Variants in GMDS observed in about 807,000 individuals in gnomAD.
GMDS encodes the protein GDP-mannose 4,6 dehydratase.
Under a neutral mutation model 49.9 loss-of-function variants are expected in GMDS, and 20 were observed. That is an observed-to-expected ratio of 0.40 (90% CI 0.28 to 0.58). The LOEUF is 0.58. Ranked by LOEUF, GMDS falls within the 20% of genes least tolerant of loss-of-function variation. The pLI is 0.42. For missense variants in GMDS, 362 were observed against 481.4 expected (o/e 0.75, Z 2.32); for synonymous variants, 177 against 178.6 (o/e 0.99, Z 0.07).
In GMDS at chr6:2,203,013, T is replaced by G. The variant is rs919347577; in HGVS notation, c.102+42308A>C. Among the ~76,000 whole-genome samples the G allele has an allele frequency of 3.3e-5, 5 of 152,320 alleles. No individual in the cohort carries two copies. In the South Asian group the frequency reaches 1.0e-3, roughly 32 times the overall value. ...CCTGCCACATTTTCATTTGCAAGGT[T>G]TCTAAGAACCGTTCTTGGTGTGTCT... On this transcript the variant is annotated intron_variant, in intron 1 of 10. Coordinates refer to ENST00000380815, the MANE Select transcript of GMDS (RefSeq NM_001500.4).
chr6:1,913,388 C>CAAAAAAAAAAAA (rs56262461), intron 7 of GMDS, among the ~76,000 whole-genome samples: 9 of 103,974 alleles, frequency 8.7e-5, no homozygotes, highest in Non-Finnish European at 1.1e-4. Context: ...CTCAAACAAA[C>CAAAAAAAAAAAA]AAAAAAAAAA....
chr6:1,911,553 TAA>T (rs34335896), intron 7 of GMDS, among the ~76,000 whole-genome samples: 15 of 139,246 alleles, frequency 1.1e-4, no homozygotes, highest in South Asian at 6.7e-4. Context: ...TTTCCCCTAT[TAA>T]AAAAAAAAAA....
intron 4 of GMDS, among the ~76,000 whole-genome samples, chr6:2,025,133 A>T (rs1030288665): frequency 1.3e-5 from 2 of 152,144 alleles, no homozygotes; most frequent in Non-Finnish European, 2.9e-5. Flanking sequence ...TTAGGAAAAG[A>T]TACTAAAATA....
At chr6:2,033,806 C>T (rs1245078382) in intron 4 of GMDS, among the ~76,000 whole-genome samples, 2 of 152,126 alleles carry the variant, frequency 1.3e-5, no homozygotes, top group Non-Finnish European at 2.9e-5. Flanking sequence ...CTCCAGAGAA[C>T]ATGTTTCAGT....
chr6:1,706,658 C>G (rs887874035), intron 9 of GMDS, among the ~76,000 whole-genome samples: 17 of 152,214 alleles, frequency 1.1e-4, no homozygotes, highest in African/African-American at 3.6e-4. Context: ...GCTGGGAGCA[C>G]GAGGCGTCCG....
intron 7 of GMDS, among the ~76,000 whole-genome samples, chr6:1,903,454 C>T (rs1760602876): frequency 6.6e-6 from 1 of 152,228 alleles, no homozygotes; most frequent in South Asian, 2.1e-4. Context: ...AATCCAAAAG[C>T]TATTCTCGTC....
intron 6 of GMDS, among the ~76,000 whole-genome samples, chr6:1,959,238 A>G (rs1374658028): frequency 6.6e-6 from 1 of 152,174 alleles, no homozygotes; most frequent in East Asian, 1.9e-4. Context: ...AATGTTCCTA[A>G]CACAAACATA....
chr6:1,753,627 C>T (rs554733842), intron 7 of GMDS, among the ~76,000 whole-genome samples: 1 of 152,298 alleles, frequency 6.6e-6, no homozygotes, highest in South Asian at 2.1e-4. Flanking sequence ...AAACTGACCA[C>T]ATAATTGGAA....
chr6:1,720,183 C>T (rs1047186355), intron 9 of GMDS, among the ~76,000 whole-genome samples: 2 of 152,108 alleles, frequency 1.3e-5, no homozygotes, highest in African/African-American at 2.4e-5. Flanking sequence ...GGGGTTATTA[C>T]AATCAGTACA....
At chr6:1,853,567 AGTGTGT>A (rs70992106) in intron 7 of GMDS, among the ~76,000 whole-genome samples, 1 of 146,650 alleles carries the variant, frequency 6.8e-6, no homozygotes, top group Non-Finnish European at 1.5e-5. Flanking sequence ...AACTCATATG[AGTGTGT>A]GTGTGTGTGT....
intron 7 of GMDS, among the ~76,000 whole-genome samples, chr6:1,906,400 A>T (rs1192197809): frequency 5.3e-5 from 8 of 152,218 alleles, no homozygotes; most frequent in Admixed American, 5.2e-4. Context: ...TTTAGCCCAC[A>T]CCAAAACACT....
chr6:1,739,540 C>T (rs1487847849), intron 8 of GMDS, among the ~76,000 whole-genome samples: 2 of 152,252 alleles, frequency 1.3e-5, no homozygotes, highest in Admixed American at 6.5e-5. Context: ...AATCCTCACA[C>T]CCTGAAAACA....
chr6:1,782,758 A>G (rs1000619318), intron 7 of GMDS, among the ~76,000 whole-genome samples: 3 of 152,248 alleles, frequency 2.0e-5, no homozygotes, highest in Non-Finnish European at 2.9e-5. Flanking sequence ...TAATTTGACT[A>G]AATGTCCACT....
chr6:1,781,478 C>T (rs1769082475), intron 7 of GMDS, among the ~76,000 whole-genome samples: 1 of 152,226 alleles, frequency 6.6e-6, no homozygotes, highest in Non-Finnish European at 1.5e-5. Flanking sequence ...AGCCTTCTGC[C>T]TACTTCCTCA....
intron 9 of GMDS, among the ~76,000 whole-genome samples, chr6:1,642,773 C>T (rs568361374): frequency 6.6e-5 from 10 of 152,278 alleles, no homozygotes; most frequent in East Asian, 5.8e-4. Context: ...CCCATGTGGG[C>T]GACAGGCAAG....
chr6:1,645,802 T>C (rs1763466342), intron 9 of GMDS, among the ~76,000 whole-genome samples: 1 of 152,198 alleles, frequency 6.6e-6, no homozygotes, highest in Non-Finnish European at 1.5e-5. Flanking sequence ...AGCAAGCATC[T>C]CCTGTGAGAA....
At chr6:2,195,665 G>A (rs997747773) in intron 1 of GMDS, among the ~76,000 whole-genome samples, 9 of 151,924 alleles carry the variant, frequency 5.9e-5, no homozygotes, top group African/African-American at 1.9e-4. Flanking sequence ...AAAGAATGAA[G>A]GTATAAAATA....
intron 1 of GMDS, among the ~76,000 whole-genome samples, chr6:2,130,736 G>A (rs1217337624): frequency 6.6e-6 from 1 of 151,888 alleles, no homozygotes; most frequent in Non-Finnish European, 1.5e-5. Flanking sequence ...GTTATGTTAT[G>A]TCCATGATTA....
chr6:2,232,688 C>T (rs1463568102), intron 1 of GMDS, among the ~76,000 whole-genome samples: 1 of 152,146 alleles, frequency 6.6e-6, no homozygotes, highest in Non-Finnish European at 1.5e-5. Flanking sequence ...TGAGGAACAG[C>T]ACCCAAAATC....
Sources: gnomAD v4.1 joint callset for allele counts (sites outside exome capture counted in the v4.1 genomes callset) on GRCh38, gnomAD v4.1.1 for gene constraint, MANE v1.5 for transcripts, NCBI Gene and HGNC (gene_info 2026-07-23, HGNC 2026-07-21) for gene names.